Variants in SLC9B1 observed in about 807,000 individuals in gnomAD.
SLC9B1 encodes sodium/hydrogen exchanger 9B1.
Under a neutral mutation model 51.7 loss-of-function variants are expected in SLC9B1, and 32 were observed. The ratio of observed to expected loss-of-function variants is 0.62; its 90% confidence interval spans 0.47 to 0.83. The LOEUF (loss-of-function observed/expected upper bound fraction) is 0.83. Among genes scored for constraint, SLC9B1 ranks in the 40% least tolerant of loss-of-function variants. The pLI is 0.00. For missense variants in SLC9B1, 406 were observed against 613.2 expected, an observed-to-expected ratio of 0.66 and a Z score of 3.57; for synonymous variants, 145 against 212.7, an observed-to-expected ratio of 0.68 and a Z score of 2.77.
intron 3 of SLC9B1, among the ~76,000 whole-genome samples, chr4:102,981,683 T>C (rs143807102): frequency 6.6e-6 from 1 of 152,294 alleles, no homozygotes; most frequent in East Asian, 1.9e-4. Flanking sequence ...CAGTGTTGTG[T>C]TCATTTTTTA....
chr4:102,974,958 G>C (rs1207553211), intron 3 of SLC9B1, among the ~76,000 whole-genome samples: 2 of 152,118 alleles, frequency 1.3e-5, no homozygotes, highest in Non-Finnish European at 2.9e-5. Context: ...GGTACCTCAG[G>C]AATAGAAGCA....
chr4:102,980,750 G>GA (rs199705987), intron 3 of SLC9B1, among the ~76,000 whole-genome samples: 72 of 151,094 alleles, frequency 4.8e-4, no homozygotes, highest in African/African-American at 1.7e-3. Context: ...AAAAGTTGAT[G>GA]AAAAAAAAAT....
At position 103,007,613 on chromosome 4, in the gene SLC9B1, T is replaced by C. The variant is rs1010862894; in HGVS notation, c.-2+11986A>G. Among the ~76,000 whole-genome samples, 196 of 90,216 alleles carry C rather than the reference T, an allele frequency of 2.2e-3. 3 individuals are homozygous for C. Among genetic ancestry groups the C allele is most frequent in the Middle Eastern group, 0.013 (2 of 160 alleles). The allele number at this position is 90,216 out of a possible 152,430, so 59.2% of individuals were successfully genotyped here. On this transcript the variant is annotated intron_variant, in intron 1 of 11. Coordinates refer to ENST00000296422, the MANE Select transcript of SLC9B1 (RefSeq NM_139173.4). ...CATCTTTTTTTTTTTTTTTTTTTTT[T>C]CTGGAGAGATGGGTTCTCACTCTGT...
chr4:103,019,663 A>G lies in SLC9B1; in HGVS notation c.-66T>C. The G allele has an allele frequency of 1.0e-6, 1 of 985,464 alleles. No homozygotes were observed. Among genetic ancestry groups the G allele is most frequent in the Non-Finnish European group, 1.2e-6 (1 of 829,952 alleles). 61.0% of individuals were successfully genotyped at this position (985,464 alleles called of 1,614,324 possible). On this transcript the variant is annotated 5_prime_UTR_variant, in exon 1 of 12. Transcript: ENST00000296422. ...CCCAGGAGCCCAGTGACCGTTGCGT[A>G]AGCCACGCGCCACCCAGGTGGGCAG... is the stretch of plus-strand genomic sequence containing the variant.
intron 11 of SLC9B1, chr4:102,888,617 A>T (rs1015615946): frequency 6.6e-6 from 1 of 152,242 alleles, no homozygotes; most frequent in African/African-American, 2.4e-5. Context: ...TTTTAGTTTC[A>T]TCTTACATTA....
At position 102,911,987 on chromosome 4, in the gene SLC9B1, G is replaced by T. The variant is rs551154345; in HGVS notation, c.830-450C>A. On this transcript the variant is annotated intron_variant, in intron 7 of 11. Transcript: ENST00000296422. ...ATCTCTACTAAAAATACAAAAATTA[G>T]CTGGGCATGGTGGCACACACCTGTG... is the stretch of plus-strand genomic sequence containing the variant. 155 of 193,370 alleles carry T rather than the reference G, an allele frequency of 8.0e-4. 1 individual carries two copies. Among genetic ancestry groups the T allele is most frequent in the African/African-American group, 3.6e-3 (150 of 41,714 alleles). The allele number at this position is 193,370 out of a possible 1,614,324, so 12.0% of individuals were successfully genotyped here.
At chr4:102,946,397 G>A (rs559776147) in intron 5 of SLC9B1, among the ~76,000 whole-genome samples, 6 of 152,166 alleles carry the variant, frequency 3.9e-5, no homozygotes, top group Non-Finnish European at 5.9e-5. Flanking sequence ...TGCAACCTCC[G>A]TCTCTCAGGT....
intron 11 of SLC9B1, among the ~76,000 whole-genome samples, chr4:102,902,269 A>C (rs1734824603): frequency 6.6e-6 from 1 of 152,204 alleles, no homozygotes; most frequent in Admixed American, 6.5e-5. Context: ...TGGAGTTGCA[A>C]AGTAACAACA....
chr4:102,921,641 T>C (rs1487390819), intron 7 of SLC9B1, among the ~76,000 whole-genome samples: 2 of 152,112 alleles, frequency 1.3e-5, no homozygotes, highest in African/African-American at 2.4e-5. Flanking sequence ...TCAAGACCCA[T>C]CAGTGTGCTG....
intron 1 of SLC9B1, among the ~76,000 whole-genome samples, chr4:102,999,919 G>A (rs765920133): frequency 6.6e-6 from 1 of 152,198 alleles, no homozygotes; most frequent in Non-Finnish European, 1.5e-5. Flanking sequence ...CAACATGGCT[G>A]AGGAGGCTTC....
Position 102,949,451 on chromosome 4 carries a change from C to T in SLC9B1, c.212-24G>A, listed in dbSNP as rs367830570. Reference sequence around the variant, plus strand: ...TCCTGAAATACAAAAAAGTGTACAGCTATATATCTACATACACATAGATGT... The same window carrying T: ...TCCTGAAATACAAAAAAGTGTACAGTTATATATCTACATACACATAGATGT... On this transcript the variant is annotated intron_variant, in intron 3 of 11. Transcript: ENST00000296422. The T allele has an allele frequency of 1.7e-5, 26 of 1,534,152 alleles. No homozygotes were observed. The African/African-American group carries it at 3.2e-4, about 19-fold the overall frequency.
At chr4:102,962,907 T>A (rs1396165173) in intron 3 of SLC9B1, 5 of 468,006 alleles carry the variant, frequency 1.1e-5, no homozygotes, top group Non-Finnish European at 2.2e-5. Context: ...TACAAAAGGT[T>A]CCTGCAACCT....
At chr4:102,988,706 A>C (rs1046954209) in intron 3 of SLC9B1, among the ~76,000 whole-genome samples, 1 of 152,114 alleles carries the variant, frequency 6.6e-6, no homozygotes, top group Admixed American at 6.6e-5. Context: ...GCACCCCTAA[A>C]TAGAAACACA....
At chr4:102,981,845 T>C (rs1739381291) in intron 3 of SLC9B1, among the ~76,000 whole-genome samples, 1 of 152,172 alleles carries the variant, frequency 6.6e-6, no homozygotes, top group Middle Eastern at 3.2e-3. Flanking sequence ...AGAGCATAGA[T>C]TTTTTTCCCT....
At position 102,916,325 on chromosome 4, in the gene SLC9B1, T is replaced by C. The variant is rs1231312741; in HGVS notation, c.830-4788A>G. Among the ~76,000 whole-genome samples the C allele has an allele frequency of 5.3e-5, 8 of 152,000 alleles. No individual in the cohort carries two copies. The East Asian group carries it at 1.5e-3, about 29-fold the overall frequency. On this transcript the variant is annotated intron_variant, in intron 7 of 11. Transcript: ENST00000296422. ...ACAAAATAGAGTTTAAGTCAAATAATAGCACAAGAGACAAGGATATTACAT... is the reference window on the plus strand; with the variant it reads ...ACAAAATAGAGTTTAAGTCAAATAACAGCACAAGAGACAAGGATATTACAT...
chr4:102,930,191 A>G (rs201258992), intron 7 of SLC9B1, among the ~76,000 whole-genome samples: 5 of 152,202 alleles, frequency 3.3e-5, no homozygotes, highest in East Asian at 3.9e-4. Context: ...TCCTTCACCT[A>G]TCAAATTAGC....
At chr4:102,885,304 A>G in exon 12 of SLC9B1, 1 of 1,614,130 alleles carries the variant, frequency 6.2e-7, no homozygotes, top group Non-Finnish European at 8.5e-7. Context: ...CGAAGAAGAA[A>G]CAACAGAAGG....
chr4:102,986,124 T>G (rs1739608517), intron 3 of SLC9B1, among the ~76,000 whole-genome samples: 1 of 152,332 alleles, frequency 6.6e-6, no homozygotes, highest in Middle Eastern at 3.4e-3. Context: ...AGACCATCTT[T>G]TAACATCTCT....
intron 1 of SLC9B1, among the ~76,000 whole-genome samples, chr4:103,007,490 T>G (rs1054522736): frequency 6.6e-6 from 1 of 152,106 alleles, no homozygotes; most frequent in Non-Finnish European, 1.5e-5. Flanking sequence ...GGAAAAACAT[T>G]TCATGCTACA....
Sources: gnomAD v4.1 joint callset for allele counts (sites outside exome capture counted in the v4.1 genomes callset) on GRCh38, gnomAD v4.1.1 for gene constraint, MANE v1.5 for transcripts, NCBI Gene and HGNC (gene_info 2026-07-23, HGNC 2026-07-21) for gene names.